The following DAB1 variants were observed in gnomAD, a reference collection of about 807,000 sequenced individuals.
The protein encoded by DAB1 is DAB adaptor protein 1, also known as disabled homolog 1.
DAB1 carries 15 observed loss-of-function variants against 64.6 expected under a neutral mutation model. That is an observed-to-expected ratio of 0.23 (90% CI 0.16 to 0.36). The LOEUF (loss-of-function observed/expected upper bound fraction) is 0.36. DAB1 is among the 10% of genes least tolerant of loss of function. DAB1 has a pLI of 1.00. For synonymous variants in DAB1, 235 were observed against 251.9 expected (o/e 0.93, Z 0.64); for missense variants, 596 against 706.7 (o/e 0.84, Z 1.78).
chr1:57,891,948 C>T (rs1644321483), intron 5 of DAB1, among the ~76,000 whole-genome samples: 1 of 152,176 alleles, frequency 6.6e-6, no homozygotes, highest in Non-Finnish European at 1.5e-5. Flanking sequence ...ACCTAGGTAA[C>T]AAACGTGCAC....
chr1:57,572,327 C>G (rs1479416563), intron 7 of DAB1, among the ~76,000 whole-genome samples: 1 of 152,196 alleles, frequency 6.6e-6, no homozygotes. Flanking sequence ...GTTTCCTCAT[C>G]TGCAAGACAG....
At chr1:58,318,100 G>A (rs1662599522) in intron 4 of DAB1, among the ~76,000 whole-genome samples, 3 of 152,194 alleles carry the variant, frequency 2.0e-5, no homozygotes, top group South Asian at 2.1e-4. Context: ...GTGACCATAT[G>A]GCCTAATGCT....
chr1:57,722,783 G>A (rs1239290663), intron 6 of DAB1, among the ~76,000 whole-genome samples: 2 of 152,206 alleles, frequency 1.3e-5, no homozygotes, highest in Non-Finnish European at 2.9e-5. Context: ...CCTGCCAGGT[G>A]GCACTGACAT....
intron 14 of DAB1, among the ~76,000 whole-genome samples, chr1:57,009,254 G>A (rs1646190146): frequency 1.3e-5 from 2 of 152,204 alleles, no homozygotes; most frequent in South Asian, 2.1e-4. Flanking sequence ...ATCCCAAGGA[G>A]TCTGCCTATA....
intron 2 of DAB1, among the ~76,000 whole-genome samples, chr1:57,195,008 T>G (rs747003149): frequency 6.6e-6 from 1 of 152,240 alleles, no homozygotes; most frequent in African/African-American, 2.4e-5. Context: ...GTCTTGGGTC[T>G]TAGGGAAATG....
At position 57,175,292 on chromosome 1, in the gene DAB1, T is replaced by C. The variant is rs1662183618; in HGVS notation, c.68-29863A>G. ...TAAAATTTAAAGAAAGGCAGGGTTTTTTTTTATTATTTCAGACTTTAAATT... is the reference window on the plus strand; with the variant it reads ...TAAAATTTAAAGAAAGGCAGGGTTTCTTTTTATTATTTCAGACTTTAAATT... On this transcript the variant is annotated intron_variant, in intron 2 of 14. Transcript: ENST00000371236. 2.0e-5 allele frequency among the ~76,000 whole-genome samples: 3 copies of C among 150,258 alleles called. 1 individual carries two copies. The South Asian group carries it at 6.3e-4, about 32-fold the overall frequency.
intron 6 of DAB1, among the ~76,000 whole-genome samples, chr1:57,702,853 T>C (rs1646922934): frequency 6.6e-6 from 1 of 151,928 alleles, no homozygotes; most frequent in Non-Finnish European, 1.5e-5. Context: ...CATAGACCAA[T>C]AGAACAGAAT....
At chr1:58,504,343 T>C (rs1023797157) in intron 3 of DAB1, among the ~76,000 whole-genome samples, 10 of 152,206 alleles carry the variant, frequency 6.6e-5, no homozygotes, top group African/African-American at 1.7e-4. Context: ...TTAGGTTCTC[T>C]GCATCAGCTG....
intron 7 of DAB1, among the ~76,000 whole-genome samples, chr1:57,477,171 T>G (rs776493347): frequency 2.0e-5 from 3 of 152,224 alleles, no homozygotes; most frequent in Non-Finnish European, 4.4e-5. Context: ...ACAGGTGGCA[T>G]GAACAACATG....
At chr1:57,567,589 C>A (rs1645138971) in intron 7 of DAB1, among the ~76,000 whole-genome samples, 1 of 152,178 alleles carries the variant, frequency 6.6e-6, no homozygotes, top group Non-Finnish European at 1.5e-5. Context: ...TCTCAGGATA[C>A]AAAATCAATG....
chr1:57,713,591 T>G lies in DAB1; in HGVS notation n.552-63926A>C, dbSNP rs183872147. 2.0e-5 allele frequency among the ~76,000 whole-genome samples: 3 copies of G among 152,282 alleles called. No homozygotes were observed. In the East Asian group the frequency reaches 5.8e-4, roughly 29 times the overall value. On this transcript the variant is annotated intron_variant and non_coding_transcript_variant, in intron 6 of 20. Coordinates refer to the DAB1 transcript ENST00000485760. ...CAAAATCCAAATGCAAATTGGTTGT[T>G]AGAGAAACTATTCAGATCCATCTGG...
chr1:57,165,220 T>C lies in DAB1; in HGVS notation c.68-19791A>G, dbSNP rs72913059. On this transcript the variant is annotated intron_variant, in intron 2 of 14. Transcript: ENST00000371236. ...ATTATCTCCTAAACAACTTTTTTTG[T>C]CGCCTTTCTGCAAACAAAAGAAAAA... Among the ~76,000 whole-genome samples the C allele has an allele frequency of 1.5e-3, 229 of 152,258 alleles. 1 individual carries two copies. The highest frequency in any genetic ancestry group is 5.4e-3 in the African/African-American group (223 of 41,564).
At chr1:57,944,956 C>T (rs1645162266) in intron 5 of DAB1, among the ~76,000 whole-genome samples, 1 of 152,178 alleles carries the variant, frequency 6.6e-6, no homozygotes, top group Non-Finnish European at 1.5e-5. Flanking sequence ...ATCACCTTGA[C>T]AGTATCCTAG....
At chr1:58,065,345 A>G (rs142870429) in intron 5 of DAB1, among the ~76,000 whole-genome samples, 7 of 152,326 alleles carry the variant, frequency 4.6e-5, no homozygotes, top group Admixed American at 3.9e-4. Flanking sequence ...TTTGAGGAAG[A>G]TAAGAATCTT....
chr1:58,514,676 C>A (rs1367395080), intron 2 of DAB1, among the ~76,000 whole-genome samples: 1 of 152,112 alleles, frequency 6.6e-6, no homozygotes, highest in East Asian at 1.9e-4. Flanking sequence ...AGGATTGTGG[C>A]AGGGGGAGCT....
At chr1:58,450,477 C>G (rs531224518) in intron 3 of DAB1, among the ~76,000 whole-genome samples, 1 of 152,026 alleles carries the variant, frequency 6.6e-6, no homozygotes, top group African/African-American at 2.4e-5. Flanking sequence ...AAGGAAAAAT[C>G]GAACAGTTGG....
chr1:57,617,266 C>T (rs944702280), intron 7 of DAB1, among the ~76,000 whole-genome samples: 3 of 152,106 alleles, frequency 2.0e-5, no homozygotes, highest in African/African-American at 7.2e-5. Context: ...ACATCCATAG[C>T]CAATGACCAA....
At chr1:57,936,124 G>T (rs146875007) in intron 5 of DAB1, among the ~76,000 whole-genome samples, 3 of 152,208 alleles carry the variant, frequency 2.0e-5, no homozygotes, top group Admixed American at 2.0e-4. Flanking sequence ...CTTACAGGCG[G>T]GTTATTCCAA....
chr1:58,234,558 C>T (rs531154270), intron 4 of DAB1, among the ~76,000 whole-genome samples: 4 of 152,328 alleles, frequency 2.6e-5, no homozygotes, highest in Admixed American at 2.6e-4. Flanking sequence ...GTGGGCCCTC[C>T]TCCTGCTGGG....
Sources: gnomAD v4.1 joint callset for allele counts (sites outside exome capture counted in the v4.1 genomes callset) on GRCh38, gnomAD v4.1.1 for gene constraint, MANE v1.5 for transcripts, NCBI Gene and HGNC (gene_info 2026-07-23, HGNC 2026-07-21) for gene names.